The following ROBO1 variants were observed in gnomAD, a reference collection of about 807,000 sequenced individuals.
ROBO1 encodes roundabout homolog 1.
In ROBO1, 149 loss-of-function variants were observed where a neutral mutation model predicts 195.9. The ratio of observed to expected loss-of-function variants is 0.76; its 90% confidence interval spans 0.67 to 0.87. The LOEUF is 0.87. ROBO1 is among the 40% of genes least tolerant of loss of function. The pLI, the probability that ROBO1 is intolerant of heterozygous loss-of-function variation, is 0.00. For synonymous variants in ROBO1, 816 were observed against 733.2 expected (o/e 1.11, Z -1.82); for missense variants, 1,933 against 2,068.3 (o/e 0.93, Z 1.27).
At chr3:78,855,603 A>C (rs1389047223) in intron 4 of ROBO1, among the ~76,000 whole-genome samples, 1 of 152,198 alleles carries the variant, frequency 6.6e-6, no homozygotes, top group Non-Finnish European at 1.5e-5. Flanking sequence ...AGATAACCTC[A>C]CTAAGCTATG....
intron 2 of ROBO1, among the ~76,000 whole-genome samples, chr3:79,184,267 T>G (rs2081396934): frequency 6.6e-6 from 1 of 152,168 alleles, no homozygotes; most frequent in Non-Finnish European, 1.5e-5. Flanking sequence ...TCACATTTGT[T>G]CCCTCAATCG....
At chr3:79,138,313 G>A (rs549320227) in intron 2 of ROBO1, among the ~76,000 whole-genome samples, 35 of 152,106 alleles carry the variant, frequency 2.3e-4, no homozygotes, top group African/African-American at 6.7e-4. Context: ...TGAATGACTA[G>A]ATGAAACACT....
intron 30 of ROBO1, 36 bp from the exon 31 acceptor site, chr3:78,598,963 A>C: frequency 7.1e-7 from 1 of 1,415,078 alleles, no homozygotes; most frequent in Non-Finnish European, 9.8e-7. Context: ...TTTGAAAATA[A>C]ATCTTAAGAG....
intron 2 of ROBO1, among the ~76,000 whole-genome samples, chr3:79,541,121 T>G (rs1264373329): frequency 6.6e-6 from 1 of 152,130 alleles, no homozygotes; most frequent in Non-Finnish European, 1.5e-5. Context: ...ACCATATGCA[T>G]ATTGGTCTCA....
chr3:79,343,543 C>T (rs1332202257), intron 2 of ROBO1, among the ~76,000 whole-genome samples: 2 of 152,094 alleles, frequency 1.3e-5, no homozygotes, highest in Non-Finnish European at 2.9e-5. Flanking sequence ...AGAATTAAAA[C>T]AAAAGCCTTC....
chr3:79,764,777 A>G (rs1391705341), intron 1 of ROBO1, among the ~76,000 whole-genome samples: 1 of 152,228 alleles, frequency 6.6e-6, no homozygotes, highest in East Asian at 1.9e-4. Flanking sequence ...GTTATTTTGT[A>G]TTTGAATTGA....
intron 2 of ROBO1, among the ~76,000 whole-genome samples, chr3:79,299,886 C>T (rs909752436): frequency 2.7e-5 from 4 of 150,504 alleles, no homozygotes; most frequent in African/African-American, 7.3e-5. Flanking sequence ...CTACTAAATT[C>T]TCTTAAAGAT....
intron 2 of ROBO1, among the ~76,000 whole-genome samples, chr3:79,358,227 CTA>C (rs1365467994): frequency 1.3e-5 from 2 of 152,016 alleles, no homozygotes; most frequent in Admixed American, 6.5e-5. Context: ...ATCTTAGTAA[CTA>C]TGAAACACTA....
At chr3:79,416,080 C>G (rs879498965) in intron 2 of ROBO1, among the ~76,000 whole-genome samples, 2 of 128,044 alleles carry the variant, frequency 1.6e-5, no homozygotes, top group Non-Finnish European at 3.5e-5. Context: ...TATATACCAA[C>G]ATAAAAAAAA....
At chr3:79,660,802 A>G (rs868542330) in intron 1 of ROBO1, among the ~76,000 whole-genome samples, 1 of 152,100 alleles carries the variant, frequency 6.6e-6, no homozygotes. Flanking sequence ...GAAAAGCACA[A>G]TGACCTTAGA....
intron 3 of ROBO1, among the ~76,000 whole-genome samples, chr3:79,042,940 C>T (rs2078515708): frequency 6.6e-6 from 1 of 152,080 alleles, no homozygotes; most frequent in African/African-American, 2.4e-5. Context: ...TAAACAAATT[C>T]AGAAAATAAA....
intron 2 of ROBO1, among the ~76,000 whole-genome samples, chr3:79,584,428 T>C (rs114393673): frequency 0.019 from 2,917 of 151,188 alleles, 113 homozygotes; most frequent in African/African-American, 0.066. Flanking sequence ...ACAAACAAAA[T>C]AACAAACCAA....
intron 2 of ROBO1, among the ~76,000 whole-genome samples, chr3:79,182,542 G>GGTGTGTGTGTGTGTGTGTGT (rs71127377): frequency 2.7e-5 from 4 of 148,446 alleles, no homozygotes; most frequent in African/African-American, 9.9e-5. Context: ...CTGGGGCACA[G>GGTGTGTGTGTGTGTGTGTGT]GTGTGTGTGT....
intron 3 of ROBO1, among the ~76,000 whole-genome samples, chr3:79,099,170 CTT>C (rs2079628046): frequency 6.6e-6 from 1 of 151,700 alleles, no homozygotes; most frequent in East Asian, 1.9e-4. Flanking sequence ...AGGAAACATA[CTT>C]TTTCTGCCTC....
intron 10 of ROBO1, among the ~76,000 whole-genome samples, chr3:78,677,580 C>A (rs1708516146): frequency 6.6e-6 from 1 of 151,384 alleles, no homozygotes; most frequent in African/African-American, 2.4e-5. Context: ...ACAAAGAAGG[C>A]CATTACATAA....
intron 2 of ROBO1, among the ~76,000 whole-genome samples, chr3:79,589,520 C>T (rs1943930663): frequency 6.6e-6 from 1 of 151,742 alleles, no homozygotes; most frequent in African/African-American, 2.4e-5. Context: ...CTTTTCCCTA[C>T]TGTAATTTTT....
intron 3 of ROBO1, among the ~76,000 whole-genome samples, chr3:79,048,330 C>T (rs1034883775): frequency 4.6e-5 from 7 of 152,102 alleles, no homozygotes; most frequent in African/African-American, 1.7e-4. Flanking sequence ...AGTTCCAAGG[C>T]TAGTTTTGTT....
At chr3:79,465,570 T>G (rs933826114) in intron 2 of ROBO1, among the ~76,000 whole-genome samples, 3 of 152,214 alleles carry the variant, frequency 2.0e-5, no homozygotes, top group African/African-American at 7.2e-5. Flanking sequence ...TGGGATTCAT[T>G]TTAGTCAATT....
chr3:79,017,537 C>T lies in ROBO1; in HGVS notation c.173-78610G>A, dbSNP rs1163177695. On this transcript the variant is annotated intron_variant, in intron 3 of 30. Transcript: ENST00000464233. ...GATCCGTGATTGAAACCAGAATCTACCAAAAGGAAAGAAACAGAAGTTGAG... is the reference window on the plus strand; with the variant it reads ...GATCCGTGATTGAAACCAGAATCTATCAAAAGGAAAGAAACAGAAGTTGAG... Among the ~76,000 whole-genome samples the T allele has an allele frequency of 2.0e-5, 3 of 147,886 alleles. No individual in the cohort carries two copies. The Admixed American group carries it at 2.0e-4, about 10-fold the overall frequency.
Sources: allele counts gnomAD v4.1 joint callset (sites outside exome capture counted in the v4.1 genomes callset), GRCh38; gene constraint gnomAD v4.1.1; transcripts MANE v1.5; gene names NCBI Gene and HGNC (gene_info 2026-07-23, HGNC 2026-07-21).